Variants in WDFY4 observed in about 807,000 individuals in gnomAD.
WDFY4 encodes WD repeat- and FYVE domain-containing protein 4.
Under a neutral mutation model 351.9 loss-of-function variants are expected in WDFY4, and 169 were observed. That is an observed-to-expected ratio of 0.48 (90% CI 0.42 to 0.55). The LOEUF is 0.55. Among genes scored for constraint, WDFY4 ranks in the 20% least tolerant of loss-of-function variants. The pLI, the probability that WDFY4 is intolerant of heterozygous loss-of-function variation, is 0.00. For synonymous variants in WDFY4, 1,622 were observed against 1,574.6 expected (o/e 1.03, Z -0.71); for missense variants, 3,803 against 3,935.6 (o/e 0.97, Z 0.90).
At chr10:48,889,441 G>C (rs1440991728) in intron 43 of WDFY4, among the ~76,000 whole-genome samples, 1 of 152,154 alleles carries the variant, frequency 6.6e-6, no homozygotes, top group Non-Finnish European at 1.5e-5. Flanking sequence ...GTCCCAGGCT[G>C]TGTCACTTAG....
chr10:48,829,695 C>CA (rs1362687789), intron 37 of WDFY4, among the ~76,000 whole-genome samples: 1 of 152,022 alleles, frequency 6.6e-6, no homozygotes, highest in African/African-American at 2.4e-5. Flanking sequence ...ACTAAAAATA[C>CA]AAAAAAATTA....
At chr10:48,854,620 C>T (rs2069074265) in intron 39 of WDFY4, among the ~76,000 whole-genome samples, 1 of 152,186 alleles carries the variant, frequency 6.6e-6, no homozygotes, top group South Asian at 2.1e-4. Flanking sequence ...AGTGATCTCT[C>T]CTGTAATGTG....
chr10:48,900,323 C>T lies in WDFY4; in HGVS notation c.7523+17C>T. 1 of 1,546,336 alleles carries T rather than the reference C, an allele frequency of 6.5e-7. No homozygotes were observed. The highest frequency in any genetic ancestry group is 8.7e-7 in the Non-Finnish European group (1 of 1,143,104). On this transcript the variant is annotated intron_variant, in intron 46 of 61. Coordinates refer to ENST00000325239, the MANE Select transcript of WDFY4 (RefSeq NM_001394531.1). ...CTTTAAAAGGTAAGAGCTTGAAAAT[C>T]CTCCTTCTGAGGAAACTGATCCTGA... is the stretch of plus-strand genomic sequence containing the variant.
chr10:48,805,261 G>A lies in WDFY4; in HGVS notation c.4486G>A (p.Glu1496Lys). ...CTGTCTCTCTCCTGTACTCACCAGG[G>A]AAGGACCCAGGAATGCTGAAGCTGC... ...HLLEILQSPR[E>K]GPRNAEAAHQ... Residue 1496 changes from glutamate (E) to lysine (K), a missense_variant and splice_region_variant, in exon 26 of 62, where the codon GAA (glutamate) becomes AAA (lysine). Glu to Lys is a moderately conservative substitution (Grantham distance 56). This residue lies in a region of WDFY4 where 3,054 missense variants were observed against 3,148.6 expected (regional missense o/e 0.97). Coordinates refer to ENST00000325239, the MANE Select transcript of WDFY4 (RefSeq NM_001394531.1). The A allele has an allele frequency of 1.3e-6, 2 of 1,542,628 alleles. No individual in the cohort carries two copies. The highest frequency in any genetic ancestry group is 2.4e-5 in the East Asian group (1 of 40,924).
At chr10:48,800,475 C>G (rs997770197) in intron 24 of WDFY4, among the ~76,000 whole-genome samples, 1 of 151,234 alleles carries the variant, frequency 6.6e-6, no homozygotes, top group Non-Finnish European at 1.5e-5. Flanking sequence ...ATTGTTGAAG[C>G]AGGGAGGGAC....
At chr10:48,944,392 T>A (rs1039157282) in intron 49 of WDFY4, among the ~76,000 whole-genome samples, 1 of 152,156 alleles carries the variant, frequency 6.6e-6, no homozygotes, top group African/African-American at 2.4e-5. Flanking sequence ...GGAGTAAAAC[T>A]CCACAGCTGG....
chr10:48,854,971 T>C (rs983887929), intron 39 of WDFY4, among the ~76,000 whole-genome samples: 1 of 152,248 alleles, frequency 6.6e-6, no homozygotes, highest in Non-Finnish European at 1.5e-5. Flanking sequence ...CAGCATTTTA[T>C]GTCACTTGTA....
At chr10:48,758,117 T>A (rs1363704124) in intron 12 of WDFY4, among the ~76,000 whole-genome samples, 4 of 152,206 alleles carry the variant, frequency 2.6e-5, no homozygotes, top group African/African-American at 9.6e-5. Context: ...GTATTATTCT[T>A]AGAACAAGTC....
In WDFY4 at chr10:48,877,182, C is replaced by A; in HGVS notation, c.7150C>A (p.Leu2384Ile). ...CRERQVILQE[L>I]LDKEKVTQKF... ...GGAAAGACAAGTTATTTTACAAGAG[C>A]TTCTTGATAAAGAAAAGGTAATATA... is the stretch of plus-strand genomic sequence containing the variant. The change falls in exon 43 of 62, where the codon CTT becomes ATT. Residue 2384 changes from leucine to isoleucine, a missense_variant. Physicochemically the swap from Leu to Ile is conservative, Grantham distance 5. Transcript: ENST00000325239. The A allele has an allele frequency of 6.4e-7, 1 of 1,551,558 alleles. No individual in the cohort carries two copies.
At chr10:48,895,301 C>T (rs536773985) in intron 44 of WDFY4, among the ~76,000 whole-genome samples, 1 of 152,320 alleles carries the variant, frequency 6.6e-6, no homozygotes, top group Admixed American at 6.5e-5. Flanking sequence ...ATGGAGGCTC[C>T]ATGGGCTACA....
Position 48,894,915 on chromosome 10 carries a change from G to C in WDFY4, c.7317-2539G>C, listed in dbSNP as rs539391837. ...GAGCAGCTCAGCTGAGATCCAGATA[G>C]AGACATTAATAATGGACAAAGGACC... On this transcript the variant is annotated intron_variant, in intron 44 of 61. Coordinates refer to ENST00000325239, the MANE Select transcript of WDFY4 (RefSeq NM_001394531.1). Among the ~76,000 whole-genome samples the C allele has an allele frequency of 5.6e-4, 86 of 152,334 alleles. 1 individual carries two copies. In the South Asian group the frequency reaches 0.017, roughly 30 times the overall value.
intron 12 of WDFY4, chr10:48,745,652 C>T (rs2064986829): frequency 5.2e-6 from 3 of 572,908 alleles, no homozygotes; most frequent in Non-Finnish European, 9.9e-6. Flanking sequence ...TGGGTCTCGG[C>T]CTTCTCCTTC....
At position 48,786,807 on chromosome 10, in the gene WDFY4, C is replaced by G; in HGVS notation, c.3745C>G (p.Leu1249Val). 3 of 1,552,324 alleles carry G rather than the reference C, an allele frequency of 1.9e-6. No individual in the cohort carries two copies. The highest frequency in any genetic ancestry group is 2.6e-6 in the Non-Finnish European group (3 of 1,147,126). Residue 1249 changes from leucine (L) to valine (V), a missense_variant, in exon 20 of 62, where the codon CTG (leucine) becomes GTG (valine). Physicochemically the swap from Leu to Val is conservative, Grantham distance 32 (BLOSUM62 1). This residue lies in a region of WDFY4 where 3,054 missense variants were observed against 3,148.6 expected (regional missense o/e 0.97). Transcript: ENST00000325239. The part of the protein sequence containing the change: ...LFEEAISMET[L>V]EVINKLGPRY... Reference sequence around the variant, plus strand: ...TGAAGAAGCCATTTCAATGGAAACTCTGGAAGTTATTAACAAACTTGGCCC... The same window carrying G: ...TGAAGAAGCCATTTCAATGGAAACTGTGGAAGTTATTAACAAACTTGGCCC...
At chr10:48,702,632 A>G (rs1031189187) in intron 1 of WDFY4, among the ~76,000 whole-genome samples, 4 of 152,146 alleles carry the variant, frequency 2.6e-5, no homozygotes, top group African/African-American at 9.7e-5. Context: ...TCATTTATTC[A>G]TTCATTCTGT....
intron 32 of WDFY4, among the ~76,000 whole-genome samples, chr10:48,819,488 G>A (rs970402636): frequency 2.0e-5 from 3 of 152,160 alleles, no homozygotes; most frequent in African/African-American, 7.2e-5. Flanking sequence ...GCAAAGGGAG[G>A]TGCTAACAGA....
At chr10:48,867,025 C>A (rs2069569162) in intron 39 of WDFY4, among the ~76,000 whole-genome samples, 1 of 151,810 alleles carries the variant, frequency 6.6e-6, no homozygotes. Flanking sequence ...CAAAAATTAG[C>A]CAGGCATGGT....
intron 23 of WDFY4, among the ~76,000 whole-genome samples, chr10:48,791,289 A>C (rs2066670836): frequency 4.6e-5 from 7 of 152,274 alleles, no homozygotes; most frequent in Admixed American, 4.6e-4. Flanking sequence ...ATTTAACCTT[A>C]GATGAGTTAC....
At chr10:48,838,647 C>T (rs73312016) in intron 39 of WDFY4, among the ~76,000 whole-genome samples, 11,236 of 152,260 alleles carry the variant, frequency 0.074, 1,393 homozygotes, top group African/African-American at 0.26. Context: ...ATCTATCCAT[C>T]ACTTGACTTC....
Position 48,946,143 on chromosome 10 carries a change from T to A in WDFY4, c.7853T>A (p.Val2618Asp), listed in dbSNP as rs1211475322. 1 of 1,548,974 alleles carries A rather than the reference T, an allele frequency of 6.5e-7. No individual in the cohort carries two copies. The highest frequency in any genetic ancestry group is 2.5e-5 in the East Asian group (1 of 40,794). Reference sequence around the variant, plus strand: ...AAATTTATCCAGAGGTTTAAAGAAGTTGAGAAAACTGAAGGTGAGTAGATC... The same window carrying A: ...AAATTTATCCAGAGGTTTAAAGAAGATGAGAAAACTGAAGGTGAGTAGATC... ...KLKFIQRFKE[V>D]EKTEGDMTVQ... is the part of the protein sequence containing the mutation. Residue 2618 changes from valine to aspartate, a missense_variant, in exon 50 of 62, where the codon GTT (valine) becomes GAT (aspartate). Physicochemically the swap from Val to Asp is radical, Grantham distance 152. This residue lies in a region of WDFY4 where 3,054 missense variants were observed against 3,148.6 expected (regional missense o/e 0.97). Coordinates refer to ENST00000325239, the MANE Select transcript of WDFY4 (RefSeq NM_001394531.1).
Sources: gnomAD v4.1 joint callset for allele counts (sites outside exome capture counted in the v4.1 genomes callset) on GRCh38, gnomAD v4.1.1 for gene constraint, gnomAD v4.1.1 regional missense constraint, MANE v1.5 for transcripts, NCBI Gene and HGNC (gene_info 2026-07-23, HGNC 2026-07-21) for gene names.